AUTS2: variants seen among roughly 807,000 people sequenced by gnomAD.
The protein encoded by AUTS2 is activator of transcription and developmental regulator AUTS2.
Under a neutral mutation model 112.4 loss-of-function variants are expected in AUTS2, and 17 were observed. The observed-to-expected ratio is 0.15, with a 90% CI of 0.10 to 0.23. The LOEUF (loss-of-function observed/expected upper bound fraction) is 0.23. AUTS2 is among the 10% of genes least tolerant of loss of function. AUTS2 has a pLI of 1.00. For missense variants in AUTS2, 1,510 were observed against 1,701.6 expected, an observed-to-expected ratio of 0.89 and a Z score of 1.98; for synonymous variants, 751 against 702.7, an observed-to-expected ratio of 1.07 and a Z score of -1.09.
chr7:69,990,463 A>T (rs1437576051), intron 2 of AUTS2, among the ~76,000 whole-genome samples: 1 of 152,164 alleles, frequency 6.6e-6, no homozygotes, highest in Non-Finnish European at 1.5e-5. Flanking sequence ...TTCACACTTG[A>T]AAGGTAAAAG....
chr7:70,017,558 T>C (rs933233491), intron 2 of AUTS2, among the ~76,000 whole-genome samples: 76 of 152,192 alleles, frequency 5.0e-4, no homozygotes, highest in African/African-American at 1.8e-3. Flanking sequence ...AATTCCCATG[T>C]ACAGGCTTCA....
intron 1 of AUTS2, among the ~76,000 whole-genome samples, chr7:69,868,253 T>C (rs936561183): frequency 6.6e-6 from 1 of 152,178 alleles, no homozygotes; most frequent in Non-Finnish European, 1.5e-5. Flanking sequence ...TTTATCTCTT[T>C]GCTAAGAAGA....
chr7:70,074,718 T>C (rs1381565794), intron 2 of AUTS2, among the ~76,000 whole-genome samples: 2 of 152,200 alleles, frequency 1.3e-5, no homozygotes. Context: ...TGTCTCATCA[T>C]GGCACATGTA....
Position 70,790,691 on chromosome 7 carries a change from A to G in AUTS2, c.3475A>G (p.Arg1159Gly). The G allele has an allele frequency of 1.2e-6, 2 of 1,613,702 alleles. No individual in the cohort carries two copies. The highest frequency in any genetic ancestry group is 1.3e-5 in the African/African-American group (1 of 75,036). ...LDERERLHML[R>G]EDYEHTRLHS... ...CGAGCGGGAGCGCTTGCACATGCTC[A>G]GAGAAGACTACGAGCACACGCGGCT... The change falls in exon 19 of 19, where the codon AGA becomes GGA. Residue 1159 changes from arginine (R) to glycine (G), a missense_variant. Arg to Gly is a moderately radical substitution (Grantham distance 125, BLOSUM62 -2). Transcript: ENST00000342771. The surrounding 1 kb of genome is among the most constrained non-coding windows in gnomAD (Gnocchi z 7.6).
At chr7:70,067,249 C>A (rs1370202683) in intron 2 of AUTS2, among the ~76,000 whole-genome samples, 1 of 152,116 alleles carries the variant, frequency 6.6e-6, no homozygotes, top group Non-Finnish European at 1.5e-5. Context: ...GCTCAGTTTA[C>A]TGCCAGTCAA....
At chr7:70,613,246 T>C (rs1430313947) in intron 5 of AUTS2, among the ~76,000 whole-genome samples, 1 of 41,910 alleles carries the variant, frequency 2.4e-5, no homozygotes, top group East Asian at 2.5e-4. Context: ...TGTGTCTGTG[T>C]GTGTGTGTGT....
intron 4 of AUTS2, among the ~76,000 whole-genome samples, chr7:70,410,189 G>A (rs1299951620): frequency 6.6e-6 from 1 of 152,136 alleles, no homozygotes; most frequent in East Asian, 1.9e-4. Context: ...CAGTGTAGTG[G>A]TTGGTTTGTC....
At chr7:70,643,874 A>G (rs992227663) in intron 5 of AUTS2, among the ~76,000 whole-genome samples, 1 of 152,122 alleles carries the variant, frequency 6.6e-6, no homozygotes, top group Non-Finnish European at 1.5e-5. Context: ...GCTGAGTGCT[A>G]TGTATTTTAC....
At chr7:69,835,957 G>T (rs1791703582) in intron 1 of AUTS2, among the ~76,000 whole-genome samples, 1 of 152,178 alleles carries the variant, frequency 6.6e-6, no homozygotes, top group Non-Finnish European at 1.5e-5. Flanking sequence ...GCAGCTCATT[G>T]TCCTAGAACG....
At chr7:70,587,939 C>G (rs1157508364) in intron 5 of AUTS2, among the ~76,000 whole-genome samples, 1 of 152,134 alleles carries the variant, frequency 6.6e-6, no homozygotes, top group Non-Finnish European at 1.5e-5. Flanking sequence ...ACAAGGTACT[C>G]CCCTCCACAC....
rs184770660 is a variant in AUTS2 at position 70,508,738 on chromosome 7, A to G, written c.690+72957A>G. 1.9e-3 allele frequency among the ~76,000 whole-genome samples: 291 copies of G among 152,328 alleles called. 2 individuals carry two copies. Among genetic ancestry groups the G allele is most frequent in the Admixed American group, 2.5e-3 (38 of 15,304 alleles). On this transcript the variant is annotated intron_variant, in intron 5 of 18. Transcript: ENST00000342771. ...AACTGTGGTTCCTTGTAAGCATTTAACTGTATAGTTAGTAATCAGGTAGAA... is the reference window on the plus strand; with the variant it reads ...AACTGTGGTTCCTTGTAAGCATTTAGCTGTATAGTTAGTAATCAGGTAGAA...
intron 9 of AUTS2, among the ~76,000 whole-genome samples, chr7:70,767,012 G>A (rs1256488977): frequency 6.8e-6 from 1 of 147,254 alleles, no homozygotes; most frequent in East Asian, 2.3e-4. Context: ...GAACCAGTGA[G>A]GAATTTTTTT....
At chr7:70,239,210 C>G (rs1812480423) in intron 4 of AUTS2, among the ~76,000 whole-genome samples, 1 of 152,164 alleles carries the variant, frequency 6.6e-6, no homozygotes, top group Admixed American at 6.5e-5. Flanking sequence ...CCAGTATCTT[C>G]TCCAGCCCCC....
rs114080724 is a variant in AUTS2 at position 69,977,392 on chromosome 7, T to A, written c.522+77894T>A. Among the ~76,000 whole-genome samples the A allele has an allele frequency of 8.8e-3, 1,345 of 152,208 alleles. 23 individuals carry two copies. The highest frequency in any genetic ancestry group is 0.031 in the African/African-American group (1,281 of 41,460). Reference sequence around the variant, plus strand: ...GAAAGTTTAAGTCCTTTAACTTTGTTCTTTTTCTAAATTGTTTGGTGATTT... The same window carrying A: ...GAAAGTTTAAGTCCTTTAACTTTGTACTTTTTCTAAATTGTTTGGTGATTT... On this transcript the variant is annotated intron_variant, in intron 2 of 18. Coordinates refer to ENST00000342771, the MANE Select transcript of AUTS2 (RefSeq NM_015570.4).
chr7:69,824,351 G>A (rs1179434731), intron 1 of AUTS2, among the ~76,000 whole-genome samples: 1 of 151,818 alleles, frequency 6.6e-6, no homozygotes, highest in Non-Finnish European at 1.5e-5. Context: ...GGAGCTTGCA[G>A]TGAGCCGAGA....
At chr7:69,602,711 C>T (rs1792501667) in intron 1 of AUTS2, among the ~76,000 whole-genome samples, 1 of 152,180 alleles carries the variant, frequency 6.6e-6, no homozygotes, top group Non-Finnish European at 1.5e-5. Flanking sequence ...AATATCCTGT[C>T]AGTGTTTACA....
rs563768835 is a variant in AUTS2 at position 69,829,448 on chromosome 7, G to T, written c.310-69838G>T. On this transcript the variant is annotated intron_variant, in intron 1 of 18. Transcript: ENST00000342771. ...CAACAAAAGAAACTATCATCAGAGT[G>T]AACAGGCAACCAACAGAATGGGAGA... is the stretch of plus-strand genomic sequence containing the variant. Among the ~76,000 whole-genome samples the T allele has an allele frequency of 1.8e-4, 28 of 152,202 alleles. 1 individual carries two copies. Among genetic ancestry groups the T allele is most frequent in the African/African-American group, 5.3e-4 (22 of 41,528 alleles).
At chr7:70,717,767 G>A (rs567749011) in intron 6 of AUTS2, among the ~76,000 whole-genome samples, 159 of 152,282 alleles carry the variant, frequency 1.0e-3, no homozygotes, top group Non-Finnish European at 1.8e-3. Context: ...CTCAGGGGCG[G>A]TGCTGCCTTT....
At chr7:70,549,699 A>AT (rs1218859114) in intron 5 of AUTS2, among the ~76,000 whole-genome samples, 1 of 152,210 alleles carries the variant, frequency 6.6e-6, no homozygotes, top group African/African-American at 2.4e-5. Context: ...CTCTTAAAAA[A>AT]TTTTTTAAAA....
Sources: gnomAD v4.1 joint callset for allele counts (sites outside exome capture counted in the v4.1 genomes callset) on GRCh38, gnomAD v4.1.1 for gene constraint, Gnocchi (gnomAD v3.1) non-coding constraint, MANE v1.5 for transcripts, NCBI Gene and HGNC (gene_info 2026-07-23, HGNC 2026-07-21) for gene names.